Variants in SIRT2 observed in about 807,000 individuals in gnomAD.
SIRT2 encodes the protein NAD-dependent protein deacetylase sirtuin-2.
Under a neutral mutation model 57.4 loss-of-function variants are expected in SIRT2, and 40 were observed. The ratio of observed to expected loss-of-function variants is 0.70; its 90% CI spans 0.54 to 0.91. SIRT2 has a LOEUF of 0.91. Ranked by LOEUF, SIRT2 falls within the 40% of genes least tolerant of loss-of-function variation. SIRT2 has a pLI of 0.00. For missense variants in SIRT2, 439 were observed against 510.4 expected (o/e 0.86, Z 1.35); for synonymous variants, 161 against 195.7 (o/e 0.82, Z 1.48).
chr19:38,879,719 G>T lies in SIRT2; in HGVS notation c.877-17C>A. ...AGGGTCCGACTGTCAGGGAGGGGGT[G>T]GGTCAGGGGCAGGAGCAGGGAAGGG... On this transcript the variant is annotated splice_polypyrimidine_tract_variant and intron_variant, in intron 13 of 15. Transcript: ENST00000249396. 2 of 1,556,130 alleles carry T rather than the reference G, an allele frequency of 1.3e-6. No individual in the cohort carries two copies. The highest frequency in any genetic ancestry group is 8.7e-7 in the Non-Finnish European group (1 of 1,148,486).
chr19:38,885,855 CTGGG>C, intron 8 of SIRT2, among the ~76,000 whole-genome samples: 1 of 152,102 alleles, frequency 6.6e-6, no homozygotes, highest in Admixed American at 6.6e-5. Context: ...TCCCAAAGTG[CTGGG>C]ATTACAGGTG....
Position 38,886,250 on chromosome 19 carries a change from T to C in SIRT2, c.502-2494A>G, listed in dbSNP as rs1174975458. 2.0e-5 allele frequency among the ~76,000 whole-genome samples: 3 copies of C among 152,180 alleles called. No homozygotes were observed. In the East Asian group the frequency reaches 5.8e-4, roughly 29 times the overall value. On this transcript the variant is annotated intron_variant, in intron 8 of 15. Transcript: ENST00000249396. ...CTACAGACAAGAGTCACTGTCACTG[T>C]TCCCACACGCCCTGTAACTTTCCTC... is the stretch of plus-strand genomic sequence containing the variant.
chr19:38,886,775 C>A (rs942084368), intron 8 of SIRT2, among the ~76,000 whole-genome samples: 1 of 151,928 alleles, frequency 6.6e-6, no homozygotes, highest in African/African-American at 2.4e-5. Flanking sequence ...GCACGCACCA[C>A]CACACCCAGC....
chr19:38,898,376 C>A lies in SIRT2; in HGVS notation c.63+3G>T. 1.3e-6 allele frequency: 2 copies of A among 1,531,590 alleles called. No individual in the cohort carries two copies. Among genetic ancestry groups the A allele is most frequent in the Non-Finnish European group, 1.8e-6 (2 of 1,130,710 alleles). The allele number at this position is 1,531,590 out of a possible 1,614,324, so 94.9% of individuals were successfully genotyped here. Reference sequence around the variant, plus strand: ...CTCCCCTCCACCCTTTCCCCCATCTCACCTGAGCCTCCTGCACCTTCCCTG... The same window carrying A: ...CTCCCCTCCACCCTTTCCCCCATCTAACCTGAGCCTCCTGCACCTTCCCTG... On this transcript the variant is annotated splice_donor_region_variant and intron_variant, in intron 2 of 15. Coordinates refer to ENST00000249396, the MANE Select transcript of SIRT2 (RefSeq NM_012237.4).
intron 2 of SIRT2, among the ~76,000 whole-genome samples, chr19:38,896,200 G>A (rs754110803): frequency 9.9e-5 from 15 of 152,084 alleles, no homozygotes; most frequent in African/African-American, 3.6e-4. Context: ...TATAACTTGC[G>A]GCACTCACCT....
At chr19:38,889,246 T>G in intron 7 of SIRT2, 91 bp from the exon 8 acceptor site, 1 of 1,220,648 alleles carries the variant, frequency 8.2e-7, no homozygotes, top group South Asian at 1.2e-5. Context: ...GCACTGTGAC[T>G]GTTTTACCCC....
intron 8 of SIRT2, among the ~76,000 whole-genome samples, chr19:38,885,276 T>C (rs1310445556): frequency 2.6e-5 from 4 of 151,146 alleles, no homozygotes; most frequent in Admixed American, 2.6e-4. Context: ...TAATTATTTT[T>C]GTAGAGATGG....
At chr19:38,897,703 T>G (rs1002976881) in intron 2 of SIRT2, among the ~76,000 whole-genome samples, 5 of 152,080 alleles carry the variant, frequency 3.3e-5, no homozygotes, top group African/African-American at 1.2e-4. Flanking sequence ...TTTTAAATAT[T>G]TTGTAGAGGT....
At chr19:38,890,574 C>T (rs1387755829) in intron 4 of SIRT2, 2 of 192,442 alleles carry the variant, frequency 1.0e-5, no homozygotes, top group Admixed American at 1.1e-4. Context: ...CCTGTAATCT[C>T]AGCTACTTGG....
chr19:38,879,340 G>A (rs771564310), intron 15 of SIRT2, 30 bp from the exon 16 acceptor site: 3 of 1,612,452 alleles, frequency 1.9e-6, no homozygotes, highest in Non-Finnish European at 2.5e-6. Context: ...AGAAGTCAAA[G>A]GTCACTGTGC....
At position 38,879,179 on chromosome 19, in the gene SIRT2, T is replaced by C; in HGVS notation, c.1146A>G (p.Thr382=). ...GTCACTGGGGTTTCTCCCTCTCTGT[T>C]GTCCTGGCCTCGTCCTTGGCAGGTG... ...SPPPAKDEAR[T]TEREKPQ is the part of the protein sequence containing the mutation. The change falls in exon 16 of 16, where the codon ACA becomes ACG. Residue 382 remains threonine, a synonymous_variant. Coordinates refer to ENST00000249396, the MANE Select transcript of SIRT2 (RefSeq NM_012237.4). The C allele has an allele frequency of 6.3e-7, 1 of 1,580,384 alleles. No homozygotes were observed. Among genetic ancestry groups the C allele is most frequent in the African/African-American group, 1.4e-5 (1 of 72,564 alleles).
In SIRT2 at chr19:38,898,394, C is replaced by A; in HGVS notation, c.48G>T (p.Lys16Asn). ...CCCATCTCACCTGAGCCTCCTGCACCTTCCCTGCCTGGGTCTCCAGAGGGT... is the reference window on the plus strand; with the variant it reads ...CCCATCTCACCTGAGCCTCCTGCACATTCCCTGCCTGGGTCTCCAGAGGGT... ...PSHPLETQAG[K>N]VQEAQDSDSD... Residue 16 changes from lysine to asparagine, a missense_variant, in exon 2 of 16, where the codon AAG becomes AAT. Coordinates refer to ENST00000249396, the MANE Select transcript of SIRT2 (RefSeq NM_012237.4). 6.4e-7 allele frequency: 1 copy of A among 1,554,652 alleles called. No individual in the cohort carries two copies. The highest frequency in any genetic ancestry group is 8.8e-7 in the Non-Finnish European group (1 of 1,142,786).
chr19:38,898,992 G>C (rs1408413267), intron 1 of SIRT2: 1 of 189,650 alleles, frequency 5.3e-6, no homozygotes, highest in Non-Finnish European at 1.1e-5. Flanking sequence ...GTGTGTGTGC[G>C]GGGAGGGTTA....
intron 14 of SIRT2, 22 bp from the exon 15 acceptor site, chr19:38,879,522 G>T: frequency 6.3e-7 from 1 of 1,595,208 alleles, no homozygotes; most frequent in East Asian, 2.3e-5. Context: ...CAGGAGATCA[G>T]AGTTCCCAGG....
At position 38,880,109 on chromosome 19, in the gene SIRT2, G is replaced by A. The variant is rs1276535384; in HGVS notation, c.877-407C>T. On this transcript the variant is annotated intron_variant, in intron 13 of 15. Coordinates refer to ENST00000249396, the MANE Select transcript of SIRT2 (RefSeq NM_012237.4). This position sits in a 1 kb window ranked among gnomAD's most constrained non-coding sequence, Gnocchi z 4.1. ...CAAAGTGCTGGAATTACAGGCGTGAGCCATTGCGCCCAGCCAGCTCAGTGA... is the reference window on the plus strand; with the variant it reads ...CAAAGTGCTGGAATTACAGGCGTGAACCATTGCGCCCAGCCAGCTCAGTGA... 1.0e-5 allele frequency: 2 copies of A among 199,262 alleles called. No homozygotes were observed. The highest frequency in any genetic ancestry group is 4.7e-5 in the African/African-American group (2 of 42,904). The allele number at this position is 199,262 out of a possible 1,614,324, so 12.3% of individuals were successfully genotyped here.
intron 5 of SIRT2, 31 bp downstream of exon 5, chr19:38,890,072 G>T: frequency 3.1e-6 from 5 of 1,614,054 alleles, no homozygotes; most frequent in South Asian, 2.2e-5. Flanking sequence ...CAGTTCCTGG[G>T]GGTAGCTGCT....
chr19:38,881,054 G>A, intron 11 of SIRT2, 46 bp downstream of exon 11: 3 of 1,596,932 alleles, frequency 1.9e-6, no homozygotes, highest in South Asian at 2.2e-5. Context: ...CCCAGCACAG[G>A]TGGAGGCGGC....
At chr19:38,882,021 C>G (rs887032114) in intron 9 of SIRT2, among the ~76,000 whole-genome samples, 1 of 151,634 alleles carries the variant, frequency 6.6e-6, no homozygotes, top group Non-Finnish European at 1.5e-5. Flanking sequence ...GAGACAGGTT[C>G]TCACTCTGTT....
chr19:38,896,710 GT>G (rs1207635215), intron 2 of SIRT2, among the ~76,000 whole-genome samples: 1 of 152,162 alleles, frequency 6.6e-6, no homozygotes, highest in Non-Finnish European at 1.5e-5. Context: ...TCTGACAGTG[GT>G]CGTGCTTTGG....
Sources: gnomAD v4.1 joint callset for allele counts (sites outside exome capture counted in the v4.1 genomes callset) on GRCh38, gnomAD v4.1.1 for gene constraint, Gnocchi (gnomAD v3.1) non-coding constraint, MANE v1.5 for transcripts, NCBI Gene and HGNC (gene_info 2026-07-23, HGNC 2026-07-21) for gene names.